Variants in CDH12 observed in about 807,000 individuals in gnomAD.
CDH12 encodes the protein cadherin 12, also known as cadherin-12.
In CDH12, 41 loss-of-function variants were observed where a neutral mutation model predicts 74.1. The ratio of observed to expected loss-of-function variants is 0.55; its 90% confidence interval spans 0.43 to 0.72. The LOEUF (loss-of-function observed/expected upper bound fraction) is 0.72, where lower values mean the gene tolerates loss of function less well. Among genes scored for constraint, CDH12 ranks in the 30% least tolerant of loss-of-function variants. CDH12 has a pLI of 0.00. For synonymous variants in CDH12, 399 were observed against 355.0 expected (o/e 1.12, Z -1.39); for missense variants, 945 against 977.2 (o/e 0.97, Z 0.44).
intron 4 of CDH12, among the ~76,000 whole-genome samples, chr5:22,096,413 C>A (rs886989701): frequency 6.6e-6 from 1 of 152,092 alleles, no homozygotes; most frequent in Non-Finnish European, 1.5e-5. Flanking sequence ...TCCCGCCGGT[C>A]CCCTCAGTCC....
At chr5:22,751,958 A>AT (rs5866590) in intron 1 of CDH12, among the ~76,000 whole-genome samples, 75,688 of 151,588 alleles carry the variant, frequency 0.5, 18,904 homozygotes, top group East Asian at 0.55. Context: ...GCTATACTCT[A>AT]TTTTTTTTGA....
At chr5:22,436,111 CT>C (rs747007634) in intron 2 of CDH12, among the ~76,000 whole-genome samples, 4 of 151,480 alleles carry the variant, frequency 2.6e-5, no homozygotes, top group Non-Finnish European at 5.9e-5. Context: ...AGTTAATGTC[CT>C]TTGCAGGGAC....
chr5:22,667,729 A>C (rs1351351060), intron 1 of CDH12, among the ~76,000 whole-genome samples: 1 of 152,234 alleles, frequency 6.6e-6, no homozygotes, highest in African/African-American at 2.4e-5. Context: ...TAAAAGCTTC[A>C]TGGAATTTTA....
chr5:22,323,622 C>T (rs1461569732), intron 3 of CDH12, among the ~76,000 whole-genome samples: 1 of 152,064 alleles, frequency 6.6e-6, no homozygotes, highest in African/African-American at 2.4e-5. Context: ...AATCAAGAAA[C>T]ATATCGCCAC....
chr5:22,645,247 C>G (rs150741174), intron 1 of CDH12, among the ~76,000 whole-genome samples: 7 of 151,988 alleles, frequency 4.6e-5, no homozygotes, highest in Non-Finnish European at 1.0e-4. Context: ...TATTCATGAT[C>G]CATGAAAAGA....
chr5:21,962,664 T>A (rs2150111200), intron 6 of CDH12, among the ~76,000 whole-genome samples: 1 of 152,258 alleles, frequency 6.6e-6, no homozygotes, highest in Non-Finnish European at 1.5e-5. Context: ...AGATAGTCCT[T>A]TGAAAGCTGT....
At chr5:22,447,985 T>TAAAAA (rs10660558) in intron 2 of CDH12, among the ~76,000 whole-genome samples, 32,357 of 83,608 alleles carry the variant, frequency 0.39, 6,428 homozygotes, top group Admixed American at 0.52. Context: ...TACAAGAAAT[T>TAAAAA]AAAAAAAAAA....
chr5:22,345,021 C>T (rs1380280461), intron 3 of CDH12, among the ~76,000 whole-genome samples: 2 of 152,170 alleles, frequency 1.3e-5, no homozygotes, highest in African/African-American at 4.8e-5. Flanking sequence ...TTCAAAACTG[C>T]CCGTGTTCTG....
chr5:22,026,870 C>A (rs1242651089), intron 5 of CDH12, among the ~76,000 whole-genome samples: 1 of 152,126 alleles, frequency 6.6e-6, no homozygotes, highest in Non-Finnish European at 1.5e-5. Context: ...ACTGGCCTAC[C>A]AGCAGAGCAT....
intron 3 of CDH12, among the ~76,000 whole-genome samples, chr5:22,268,350 C>T (rs977238115): frequency 2.6e-5 from 4 of 151,732 alleles, no homozygotes; most frequent in Non-Finnish European, 5.9e-5. Flanking sequence ...AAAACATATG[C>T]CTGGGGAATA....
intron 1 of CDH12, among the ~76,000 whole-genome samples, chr5:22,816,229 T>A (rs1294443113): frequency 2.6e-5 from 4 of 152,180 alleles, no homozygotes; most frequent in Non-Finnish European, 4.4e-5. Flanking sequence ...TTTTACTTCT[T>A]TGTGAAAAGT....
intron 4 of CDH12, among the ~76,000 whole-genome samples, chr5:22,144,515 C>T (rs184016297): frequency 1.1e-3 from 166 of 152,166 alleles, no homozygotes; most frequent in African/African-American, 3.9e-3. Flanking sequence ...GTCAATGCCT[C>T]ACAGTCAAAA....
intron 6 of CDH12, among the ~76,000 whole-genome samples, chr5:21,966,502 A>C (rs1429999270): frequency 6.6e-6 from 1 of 152,126 alleles, no homozygotes; most frequent in Non-Finnish European, 1.5e-5. Flanking sequence ...TTTGGAGTAA[A>C]AGCTTCCTGA....
intron 5 of CDH12, among the ~76,000 whole-genome samples, chr5:22,068,602 G>A (rs1294757810): frequency 6.6e-6 from 1 of 152,194 alleles, no homozygotes; most frequent in Non-Finnish European, 1.5e-5. Flanking sequence ...GACATGATTG[G>A]AACATTAATG....
intron 8 of CDH12, among the ~76,000 whole-genome samples, chr5:21,827,608 T>C (rs1462667533): frequency 6.6e-6 from 1 of 152,164 alleles, no homozygotes; most frequent in Admixed American, 6.6e-5. Context: ...GTTTAATAAA[T>C]GCCTATCTGC....
intron 4 of CDH12, among the ~76,000 whole-genome samples, chr5:22,082,084 T>C (rs903307812): frequency 1.3e-5 from 2 of 152,194 alleles, no homozygotes; most frequent in African/African-American, 4.8e-5. Context: ...ACAAATTTTA[T>C]ACTTTTTCCA....
intron 2 of CDH12, among the ~76,000 whole-genome samples, chr5:22,483,376 T>C (rs999694209): frequency 6.6e-6 from 1 of 152,028 alleles, no homozygotes; most frequent in African/African-American, 2.4e-5. Flanking sequence ...ATACCTACAC[T>C]ATGCCAGGAG....
chr5:22,124,547 A>G (rs1488779452), intron 4 of CDH12, among the ~76,000 whole-genome samples: 1 of 152,060 alleles, frequency 6.6e-6, no homozygotes, highest in Non-Finnish European at 1.5e-5. Flanking sequence ...TACACATTTT[A>G]TTGCACATAA....
chr5:22,009,842 G>A (rs1018862709), intron 5 of CDH12, among the ~76,000 whole-genome samples: 10 of 150,366 alleles, frequency 6.7e-5, no homozygotes, highest in African/African-American at 2.2e-4. Flanking sequence ...GCTGAGCGTG[G>A]TGGCGGTTGC....
Sources: allele counts gnomAD v4.1 joint callset (sites outside exome capture counted in the v4.1 genomes callset), GRCh38; gene constraint gnomAD v4.1.1; transcripts MANE v1.5; gene names NCBI Gene and HGNC (gene_info 2026-07-23, HGNC 2026-07-21).